Variants in PDPR observed in about 807,000 individuals in gnomAD.
The protein encoded by PDPR is pyruvate dehydrogenase phosphatase regulatory subunit, also known as pyruvate dehydrogenase phosphatase regulatory subunit, mitochondrial.
Under a neutral mutation model 102.2 loss-of-function variants are expected in PDPR, and 50 were observed. The ratio of observed to expected loss-of-function variants is 0.49; its 90% CI spans 0.39 to 0.62. The LOEUF (loss-of-function observed/expected upper bound fraction) is 0.62. Among genes scored for constraint, PDPR ranks in the 20% least tolerant of loss-of-function variants. PDPR has a pLI of 0.00. For synonymous variants in PDPR, 259 were observed against 406.0 expected, an observed-to-expected ratio of 0.64 and a Z score of 4.35; for missense variants, 625 against 1,098.2, an observed-to-expected ratio of 0.57 and a Z score of 6.09.
At chr16:70,154,182 G>A (rs1327670602) in intron 18 of PDPR, among the ~76,000 whole-genome samples, 3 of 152,154 alleles carry the variant, frequency 2.0e-5, no homozygotes, top group African/African-American at 7.2e-5. Context: ...ACAAAAAGTA[G>A]CTGGGCGTGG....
At position 70,162,051 on chromosome 16, in the gene PDPR, G is replaced by A. The variant is rs554108375; in HGVS notation, c.*5172G>A. 7 of 152,518 alleles carry A rather than the reference G, an allele frequency of 4.6e-5. No homozygotes were observed. In the East Asian group the frequency reaches 9.6e-4, roughly 21 times the overall value. 9.4% of individuals were successfully genotyped at this position (152,518 alleles called of 1,614,324 possible). A position where few individuals can be genotyped will look rare whatever the true frequency, so the allele number is the denominator to read the frequency against. On this transcript the variant is annotated 3_prime_UTR_variant, in exon 19 of 19. Coordinates refer to ENST00000288050, the MANE Select transcript of PDPR (RefSeq NM_017990.5). ...TGCCTTACACTCCAGAATGTCAGAT[G>A]GTGGGTGCAGATTGGAAGAAAGAGA... is the stretch of plus-strand genomic sequence containing the variant.
intron 16 of PDPR, among the ~76,000 whole-genome samples, chr16:70,148,113 G>C (rs1966386886): frequency 6.6e-6 from 1 of 152,236 alleles, no homozygotes; most frequent in African/African-American, 2.4e-5. Flanking sequence ...TTCCCCCAGA[G>C]AAGACACTCG....
rs1398773362 is a variant in PDPR, at chr16:70,159,417, C to T, written c.*2538C>T. 6.6e-6 allele frequency: 1 copy of T among 152,608 alleles called. No homozygotes were observed. The highest frequency in any genetic ancestry group is 2.4e-5 in the African/African-American group (1 of 41,476). The allele number at this position is 152,608 out of a possible 1,614,324, so 9.5% of individuals were successfully genotyped here. A position where few individuals can be genotyped will look rare whatever the true frequency, so the allele number is the denominator to read the frequency against. On this transcript the variant is annotated 3_prime_UTR_variant, in exon 19 of 19. Coordinates refer to ENST00000288050, the MANE Select transcript of PDPR (RefSeq NM_017990.5). ...CTTGTCCATGAATAGGGTCATACTCCTAAGACTGATGGGGTGTTGATCTTC... is the reference window on the plus strand; with the variant it reads ...CTTGTCCATGAATAGGGTCATACTCTTAAGACTGATGGGGTGTTGATCTTC...
chr16:70,117,191 G>A (rs1041562016), intron 2 of PDPR, among the ~76,000 whole-genome samples: 2 of 139,572 alleles, frequency 1.4e-5, no homozygotes, highest in African/African-American at 5.3e-5. Flanking sequence ...AGTATCTGGT[G>A]CATTGTAACT....
chr16:70,137,661 C>T (rs1182753375), intron 10 of PDPR, among the ~76,000 whole-genome samples: 1 of 152,248 alleles, frequency 6.6e-6, no homozygotes, highest in Non-Finnish European at 1.5e-5. Flanking sequence ...ATGGTAGCCA[C>T]GATGAAAAGT....
intron 18 of PDPR, 39 bp downstream of exon 18, chr16:70,153,612 C>G: frequency 6.5e-6 from 10 of 1,542,188 alleles, no homozygotes; most frequent in Non-Finnish European, 8.8e-6. Context: ...ACTCAGCATC[C>G]CGAGTAGTGA....
intron 6 of PDPR, among the ~76,000 whole-genome samples, 168 bp downstream of exon 6, chr16:70,129,290 T>C (rs1244305193): frequency 1.3e-5 from 2 of 152,292 alleles, no homozygotes; most frequent in African/African-American, 4.8e-5. Flanking sequence ...TGTTAATGAG[T>C]GTTTTCCCTC....
At chr16:70,129,247 C>G in intron 6 of PDPR, 125 bp downstream of exon 6, 2 of 1,543,986 alleles carry the variant, frequency 1.3e-6, no homozygotes, top group Non-Finnish European at 1.8e-6. Flanking sequence ...GGGTACTCAG[C>G]CTCCATTTTG....
rs1232544721 is a variant in PDPR, at chr16:70,148,371, G to A, written c.1963-93G>A. On this transcript the variant is annotated intron_variant, in intron 16 of 18. Transcript: ENST00000288050. ...CGTCTGTCTCCCTCAACAGTAAACA[G>A]AGGGTGCAGCACTAATGAAAGGTTT... 3.3e-5 allele frequency: 30 copies of A among 914,202 alleles called. 1 individual carries two copies. Among genetic ancestry groups the A allele is most frequent in the East Asian group, 2.1e-4 (8 of 37,526 alleles). The allele number at this position is 914,202 out of a possible 1,614,324, so 56.6% of individuals were successfully genotyped here.
At chr16:70,153,683 C>A in intron 18 of PDPR, 110 bp downstream of exon 18, 1 of 1,200,386 alleles carries the variant, frequency 8.3e-7, no homozygotes, top group Non-Finnish European at 1.1e-6. Context: ...AGATTGAGGC[C>A]TTGATGTTAG....
At chr16:70,155,413 C>T (rs1967042555) in intron 18 of PDPR, among the ~76,000 whole-genome samples, 1 of 152,224 alleles carries the variant, frequency 6.6e-6, no homozygotes, top group Non-Finnish European at 1.5e-5. Flanking sequence ...TCCCGAGTAG[C>T]TGTAAGCCAT....
At chr16:70,133,720 GCTT>G (rs1964797546) in intron 9 of PDPR, among the ~76,000 whole-genome samples, 1 of 150,660 alleles carries the variant, frequency 6.6e-6, no homozygotes, top group Non-Finnish European at 1.5e-5. Flanking sequence ...GCCCAGCTCT[GCTT>G]CTTTTTTTTG....
At chr16:70,163,044 G>T (rs1201911188), downstream of PDPR, among the ~76,000 whole-genome samples, 1 of 152,278 alleles carries the variant, frequency 6.6e-6, no homozygotes, top group Non-Finnish European at 1.5e-5. Context: ...TCCACTCCCA[G>T]GTTCAAGTGA....
At chr16:70,129,784 C>T (rs1238314918) in intron 6 of PDPR, among the ~76,000 whole-genome samples, 2 of 152,276 alleles carry the variant, frequency 1.3e-5, no homozygotes, top group Non-Finnish European at 2.9e-5. Context: ...GAAGACTTAA[C>T]TAGCGTCCAG....
At chr16:70,115,094 T>A (rs1050815646) in intron 2 of PDPR, among the ~76,000 whole-genome samples, 164 bp downstream of exon 2, 1 of 152,132 alleles carries the variant, frequency 6.6e-6, no homozygotes, top group African/African-American at 2.4e-5. Flanking sequence ...GCTTTTCCAG[T>A]GGCAGGGACT....
At position 70,159,498 on chromosome 16, in the gene PDPR, T is replaced by G. The variant is rs369645316; in HGVS notation, c.*2619T>G. The stretch of plus-strand genomic sequence containing the variant: ...AACACAGATTTCTCTTCTAGCACTT[T>G]AGAGTTGATCCTTGAAGTCTCTCCT... On this transcript the variant is annotated 3_prime_UTR_variant, in exon 19 of 19. Transcript: ENST00000288050. 6.5e-6 allele frequency: 1 copy of G among 152,914 alleles called. No individual in the cohort carries two copies. Among genetic ancestry groups the G allele is most frequent in the Non-Finnish European group, 1.5e-5 (1 of 68,544 alleles). The allele number at this position is 152,914 out of a possible 1,614,324, so 9.5% of individuals were successfully genotyped here. A position where few individuals can be genotyped will look rare whatever the true frequency, so the allele number is the denominator to read the frequency against.
At position 70,156,955 on chromosome 16, in the gene PDPR, C is replaced by A; in HGVS notation, c.*76C>A. On this transcript the variant is annotated 3_prime_UTR_variant, in exon 19 of 19. Coordinates refer to ENST00000288050, the MANE Select transcript of PDPR (RefSeq NM_017990.5). ...CGTCACCTTGGAGCTTCTCTTCCTT[C>A]CGCCTCTGTTCCTCTTCTGGAGCCT... 6.5e-7 allele frequency: 1 copy of A among 1,544,920 alleles called. No individual in the cohort carries two copies. The highest frequency in any genetic ancestry group is 8.8e-7 in the Non-Finnish European group (1 of 1,135,096).
chr16:70,144,703 TC>T lies in PDPR; in HGVS notation c.1867+173del, dbSNP rs1966069750. On this transcript the variant is annotated intron_variant, in intron 15 of 18. Coordinates refer to ENST00000288050, the MANE Select transcript of PDPR (RefSeq NM_017990.5). ...GGGATGCGGTGGCTGACACCTGTAA[TC>T]CCAGCACTTTTGGAGGCCGAGGTTG... Among the ~76,000 whole-genome samples the T allele has an allele frequency of 6.6e-5, 10 of 152,386 alleles. No individual in the cohort carries two copies. In the South Asian group the frequency reaches 2.1e-3, roughly 32 times the overall value.
At chr16:70,140,686 G>A (rs542923184) in intron 11 of PDPR, among the ~76,000 whole-genome samples, 27 of 152,294 alleles carry the variant, frequency 1.8e-4, no homozygotes, top group African/African-American at 5.5e-4. Flanking sequence ...GTGGTGGTAC[G>A]TGCCTGTGAT....
Sources: gnomAD v4.1 joint callset for allele counts (sites outside exome capture counted in the v4.1 genomes callset) on GRCh38, gnomAD v4.1.1 for gene constraint, MANE v1.5 for transcripts, NCBI Gene and HGNC (gene_info 2026-07-23, HGNC 2026-07-21) for gene names.